Variants in SLC12A6 observed in about 807,000 individuals in gnomAD.
SLC12A6 encodes the protein solute carrier family 12 member 6, also known as K-Cl cotransporter 3.
A neutral mutation model predicts 135.3 loss-of-function variants in SLC12A6; 66 were observed. The ratio of observed to expected loss-of-function variants is 0.49; its 90% CI spans 0.40 to 0.60. SLC12A6 has a LOEUF of 0.60. Ranked by LOEUF, SLC12A6 falls within the 20% of genes least tolerant of loss-of-function variation. The probability of loss-of-function intolerance (pLI) is 0.00; values close to 1 mark genes in which losing one functional copy is unlikely to be tolerated. For missense variants in SLC12A6, 1,058 were observed against 1,452.3 expected (o/e 0.73, Z 4.41); for synonymous variants, 513 against 508.8 (o/e 1.01, Z -0.11).
In SLC12A6 at chr15:34,229,900, C is replaced by G. The variant is rs751364524; in HGVS notation, c.*3981G>C. On this transcript the variant is annotated 3_prime_UTR_variant, in exon 26 of 26. Coordinates refer to ENST00000354181, the MANE Select transcript of SLC12A6 (RefSeq NM_001365088.1). ...AACTAATCACTTATGTTAAAAAGAACCAAAAGACTCTTTTCTCCATGGTGG... is the reference window on the plus strand; with the variant it reads ...AACTAATCACTTATGTTAAAAAGAAGCAAAAGACTCTTTTCTCCATGGTGG... The G allele has an allele frequency of 2.4e-4, 240 of 1,002,630 alleles. No homozygotes were observed. The highest frequency in any genetic ancestry group is 5.5e-5 in the Non-Finnish European group (35 of 636,562). The allele number at this position is 1,002,630 out of a possible 1,614,324, so 62.1% of individuals were successfully genotyped here. A position where few individuals can be genotyped will look rare whatever the true frequency, so the allele number is the denominator to read the frequency against.
Position 34,231,806 on chromosome 15 carries a change from G to A in SLC12A6, c.*2075C>T, listed in dbSNP as rs894503535. 1.3e-5 allele frequency: 2 copies of A among 152,068 alleles called. No individual in the cohort carries two copies. The highest frequency in any genetic ancestry group is 2.9e-5 in the Non-Finnish European group (2 of 68,064). 9.4% of individuals were successfully genotyped at this position (152,068 alleles called of 1,614,324 possible). ...GGGTTTCACCGTGTTAGCCAGGATGGTCTCAAATCTCCTGACCTCGTGATC... is the reference window on the plus strand; with the variant it reads ...GGGTTTCACCGTGTTAGCCAGGATGATCTCAAATCTCCTGACCTCGTGATC... On this transcript the variant is annotated 3_prime_UTR_variant, in exon 26 of 26. Transcript: ENST00000354181.
chr15:34,245,812 G>A lies in SLC12A6; in HGVS notation c.1705C>T (p.Pro569Ser), dbSNP rs1459859248. The A allele has an allele frequency of 5.6e-6, 9 of 1,613,614 alleles. No homozygotes were observed. Among genetic ancestry groups the A allele is most frequent in the Non-Finnish European group, 7.6e-6 (9 of 1,179,554 alleles). ...AAGGAGCCAATAACAATCACCCATG[G>A]GGATGGCCAAGATAAGGTGCCTACC... is the stretch of plus-strand genomic sequence containing the variant. ...LVVGTLSWPS[P>S]WVIVIGSFFS... Residue 569 changes from proline to serine, a missense_variant, in exon 14 of 26, where the codon CCA (proline) becomes TCA (serine). By Grantham distance (74) the Pro-to-Ser change is moderately conservative. Coordinates refer to ENST00000354181, the MANE Select transcript of SLC12A6 (RefSeq NM_001365088.1).
chr15:34,304,302 T>C (rs1335537203), intron 2 of SLC12A6, among the ~76,000 whole-genome samples: 1 of 152,244 alleles, frequency 6.6e-6, no homozygotes, highest in Non-Finnish European at 1.5e-5. Context: ...TCACATTTTA[T>C]CTATTCATTT....
chr15:34,240,563 C>T (rs573439089), intron 19 of SLC12A6, 98 bp downstream of exon 19: 3 of 1,055,754 alleles, frequency 2.8e-6, no homozygotes, highest in Admixed American at 3.4e-5. Context: ...CCTCCTAGAT[C>T]ACTCAGGAAC....
At chr15:34,280,450 C>T (rs754340677) in intron 2 of SLC12A6, among the ~76,000 whole-genome samples, 20 of 152,102 alleles carry the variant, frequency 1.3e-4, no homozygotes, top group Non-Finnish European at 2.5e-4. Flanking sequence ...AGTCTTAACA[C>T]GTAAGGCATT....
In SLC12A6 at chr15:34,236,802, A is replaced by G; in HGVS notation, c.2948T>C (p.Ile983Thr). ...VEVVEMHDSD[I>T]SAYTYERTLM... ...AGTGCGCTCGTAAGTATATGCTGATATATCACTGTCATGCTGCCATAGACA... is the reference window on the plus strand; with the variant it reads ...AGTGCGCTCGTAAGTATATGCTGATGTATCACTGTCATGCTGCCATAGACA... Residue 983 changes from isoleucine to threonine, a missense_variant, in exon 23 of 26, where the codon ATA becomes ACA. Around this residue, in one of 6 missense-constraint regions of SLC12A6, gnomAD observed 245 missense variants for 440.8 expected, o/e 0.56. Transcript: ENST00000354181. The G allele has an allele frequency of 6.2e-7, 1 of 1,603,356 alleles. No individual in the cohort carries two copies. The highest frequency in any genetic ancestry group is 2.2e-5 in the East Asian group (1 of 44,830).
intron 2 of SLC12A6, among the ~76,000 whole-genome samples, chr15:34,303,179 A>C (rs1896377007): frequency 6.6e-6 from 1 of 152,106 alleles, no homozygotes; most frequent in South Asian, 2.1e-4. Flanking sequence ...AATTAGGGGG[A>C]CTAAGAGACT....
intron 1 of SLC12A6, 162 bp from the exon 2 acceptor site, chr15:34,336,914 C>CA (rs1325869577): frequency 1.7e-6 from 1 of 572,734 alleles, no homozygotes; most frequent in South Asian, 2.1e-5. Context: ...GAGAAAAAAA[C>CA]AAAAAACAAA....
rs770855864 is a variant in SLC12A6, at chr15:34,245,888, G to A, written c.1650-21C>T. On this transcript the variant is annotated intron_variant, in intron 13 of 25. Coordinates refer to ENST00000354181, the MANE Select transcript of SLC12A6 (RefSeq NM_001365088.1). Reference sequence around the variant, plus strand: ...CGAACCTGGGAAAGAAATAGGAGTGGGAAATTTAATCTGGAAATAACTTTA... The same window carrying A: ...CGAACCTGGGAAAGAAATAGGAGTGAGAAATTTAATCTGGAAATAACTTTA... 3 of 1,594,088 alleles carry A rather than the reference G, an allele frequency of 1.9e-6. No individual in the cohort carries two copies. In the South Asian group the frequency reaches 3.3e-5, roughly 18 times the overall value.
chr15:34,292,439 C>A (rs1219785668), intron 2 of SLC12A6, among the ~76,000 whole-genome samples: 2 of 152,192 alleles, frequency 1.3e-5, no homozygotes, highest in African/African-American at 4.8e-5. Flanking sequence ...TCAGGCTACA[C>A]AGGGGTCAGG....
chr15:34,279,404 C>A (rs1187987096), intron 2 of SLC12A6, among the ~76,000 whole-genome samples: 1 of 152,002 alleles, frequency 6.6e-6, no homozygotes, highest in Non-Finnish European at 1.5e-5. Flanking sequence ...GCCCGTGAAC[C>A]CACTAGAATG....
At chr15:34,300,605 T>A (rs978581434) in intron 2 of SLC12A6, among the ~76,000 whole-genome samples, 1 of 151,834 alleles carries the variant, frequency 6.6e-6, no homozygotes, top group Non-Finnish European at 1.5e-5. Context: ...CTGGAAAACA[T>A]AGAAGACTCT....
intron 2 of SLC12A6, among the ~76,000 whole-genome samples, chr15:34,327,665 A>C (rs1332803890): frequency 6.6e-6 from 1 of 152,194 alleles, no homozygotes; most frequent in Admixed American, 6.5e-5. Flanking sequence ...CTCAAAAAAA[A>C]AAAAAATTAG....
At position 34,336,579 on chromosome 15, in the gene SLC12A6, G is replaced by A. The variant is rs376341003; in HGVS notation, c.102C>T (p.Asp34=). The change falls in exon 2 of 26, where the codon GAC becomes GAT. Residue 34 remains aspartate, a synonymous_variant. Transcript: ENST00000354181. ...CTCGGGAACTAGATCGAGAGCTGAG[G>A]TCCGGACTGGTGTCTGACAAACCTG... ...DIPGLSDTSP[D]LSSRSSSRVR... 1.5e-5 allele frequency: 24 copies of A among 1,613,720 alleles called. No homozygotes were observed. The highest frequency in any genetic ancestry group is 1.9e-5 in the Non-Finnish European group (23 of 1,179,814).
rs1335215353 is a variant in SLC12A6 at position 34,236,143 on chromosome 15, A to G, written c.3099T>C (p.Asp1033=). The G allele has an allele frequency of 1.2e-6, 2 of 1,613,930 alleles. No homozygotes were observed. The highest frequency in any genetic ancestry group is 1.7e-6 in the Non-Finnish European group (2 of 1,179,802). ...GATAGGTTTCTGTCTCTTCGTCCTC[A>G]TCAGAGCCAATGCTGGTCAATCGTA... ...SMLRLTSIGS[D]EDEETETYQE... Residue 1033 remains aspartate, a synonymous_variant, in exon 24 of 26, where the codon GAT becomes GAC. Transcript: ENST00000354181.
At chr15:34,328,305 T>C (rs1889610896) in intron 2 of SLC12A6, among the ~76,000 whole-genome samples, 1 of 152,220 alleles carries the variant, frequency 6.6e-6, no homozygotes, top group Admixed American at 6.5e-5. Flanking sequence ...CCCCTCAGAC[T>C]GACTTATTTA....
At chr15:34,269,416 T>C (rs1205934499) in intron 3 of SLC12A6, among the ~76,000 whole-genome samples, 2 of 152,224 alleles carry the variant, frequency 1.3e-5, no homozygotes, top group African/African-American at 2.4e-5. Context: ...TTACCACTTA[T>C]ACTATAATTT....
At position 34,310,769 on chromosome 15, in the gene SLC12A6, AGTGTGTGTGTGTGTGTGTGTGT is replaced by A. The variant is rs570488711; in HGVS notation, c.271+25619_271+25640del. ...GGCTGGTGTTGAACTCCTGGGCTCA[AGTGTGTGTGTGTGTGTGTGTGT>A]GTGTGTGTGTGTGTGTGTGTGTGTG... is the stretch of plus-strand genomic sequence containing the variant. On this transcript the variant is annotated intron_variant, in intron 2 of 25. Transcript: ENST00000354181. Among the ~76,000 whole-genome samples the A allele has an allele frequency of 8.3e-4, 21 of 25,366 alleles. 2 individuals carry two copies. The highest frequency in any genetic ancestry group is 4.5e-3 in the East Asian group (5 of 1,106). 16.6% of individuals were successfully genotyped at this position (25,366 alleles called of 152,430 possible).
chr15:34,278,157 C>G (rs544395268), intron 2 of SLC12A6, among the ~76,000 whole-genome samples: 1 of 152,114 alleles, frequency 6.6e-6, no homozygotes, highest in African/African-American at 2.4e-5. Flanking sequence ...CTGGGCGCAG[C>G]GGCTCACGCC....
Sources: allele counts gnomAD v4.1 joint callset (sites outside exome capture counted in the v4.1 genomes callset), GRCh38; gene constraint gnomAD v4.1.1; regional missense constraint gnomAD v4.1.1; transcripts MANE v1.5; gene names NCBI Gene and HGNC (gene_info 2026-07-23, HGNC 2026-07-21).